The following CDH12 variants were observed in gnomAD, a reference collection of about 807,000 sequenced individuals.
The protein encoded by CDH12 is cadherin 12, also known as cadherin-12.
A neutral mutation model predicts 74.1 loss-of-function variants in CDH12; 41 were observed. The ratio of observed to expected loss-of-function variants is 0.55; its 90% CI spans 0.43 to 0.72. The LOEUF (loss-of-function observed/expected upper bound fraction) is 0.72. Among genes scored for constraint, CDH12 ranks in the 30% least tolerant of loss-of-function variants. CDH12 has a pLI of 0.00. For missense variants in CDH12, 945 were observed against 977.2 expected (o/e 0.97, Z 0.44); for synonymous variants, 399 against 355.0 (o/e 1.12, Z -1.39).
chr5:21,923,233 A>G (rs1324450274), intron 6 of CDH12, among the ~76,000 whole-genome samples: 2 of 152,158 alleles, frequency 1.3e-5, no homozygotes. Context: ...AAGTAATCAA[A>G]TTCAAATTTC....
At chr5:22,343,555 CT>C (rs1739984582) in intron 3 of CDH12, among the ~76,000 whole-genome samples, 1 of 152,006 alleles carries the variant, frequency 6.6e-6, no homozygotes, top group African/African-American at 2.4e-5. Flanking sequence ...GTAGCTGGGA[CT>C]ACAGGCTCCC....
At chr5:22,175,974 A>G (rs1238918942) in intron 4 of CDH12, among the ~76,000 whole-genome samples, 2 of 152,162 alleles carry the variant, frequency 1.3e-5, no homozygotes, top group Non-Finnish European at 2.9e-5. Flanking sequence ...AAATGTGTAG[A>G]TCATTATAGG....
chr5:22,633,723 G>A (rs1252670531), intron 1 of CDH12, among the ~76,000 whole-genome samples: 2 of 152,152 alleles, frequency 1.3e-5, no homozygotes, highest in Admixed American at 6.5e-5. Flanking sequence ...GCTAGAATCT[G>A]TATAATCTTC....
chr5:22,684,593 T>C (rs1741662641), intron 1 of CDH12, among the ~76,000 whole-genome samples: 1 of 152,228 alleles, frequency 6.6e-6, no homozygotes, highest in Non-Finnish European at 1.5e-5. Context: ...CACGTATTCT[T>C]AGGTTTTCAA....
intron 5 of CDH12, among the ~76,000 whole-genome samples, chr5:22,064,237 C>T (rs887306172): frequency 6.6e-6 from 1 of 152,112 alleles, no homozygotes; most frequent in Non-Finnish European, 1.5e-5. Flanking sequence ...CCACAGGGCC[C>T]ACTGCATGAC....
At chr5:22,851,033 T>A (rs1251429912) in intron 1 of CDH12, among the ~76,000 whole-genome samples, 1 of 152,206 alleles carries the variant, frequency 6.6e-6, no homozygotes, top group Admixed American at 6.5e-5. Flanking sequence ...TTTAAGGAGA[T>A]CAGTTTTATG....
At chr5:21,753,335 T>G (rs1466664879) in intron 14 of CDH12, among the ~76,000 whole-genome samples, 1 of 152,298 alleles carries the variant, frequency 6.6e-6, no homozygotes, top group African/African-American at 2.4e-5. Context: ...ACAGTGGGCC[T>G]TGGGAGACGT....
chr5:21,781,451 C>T (rs1327542957), intron 11 of CDH12, among the ~76,000 whole-genome samples: 8 of 152,060 alleles, frequency 5.3e-5, no homozygotes, highest in East Asian at 3.9e-4. Flanking sequence ...AGACCAGGCA[C>T]GGTGGTTCAC....
chr5:22,699,948 G>A lies in CDH12; in HGVS notation c.-523+153110C>T, dbSNP rs140022607. 3.9e-3 allele frequency among the ~76,000 whole-genome samples: 601 copies of A among 152,270 alleles called. 9 individuals carry two copies. Among genetic ancestry groups the A allele is most frequent in the African/African-American group, 0.014 (579 of 41,562 alleles). On this transcript the variant is annotated intron_variant, in intron 1 of 14. Coordinates refer to ENST00000382254, the MANE Select transcript of CDH12 (RefSeq NM_004061.5). ...CCAGCACTTTGAGAGGCCGAGGCAGGCAGATTGTTTGAGGCCAGGAGTTTG... is the reference window on the plus strand; with the variant it reads ...CCAGCACTTTGAGAGGCCGAGGCAGACAGATTGTTTGAGGCCAGGAGTTTG...
At chr5:22,084,231 C>A (rs1407240624) in intron 4 of CDH12, among the ~76,000 whole-genome samples, 1 of 152,178 alleles carries the variant, frequency 6.6e-6, no homozygotes, top group Non-Finnish European at 1.5e-5. Flanking sequence ...TTCCAGGGAG[C>A]TCTTCCTAGT....
chr5:22,811,609 C>T (rs780178), intron 1 of CDH12, among the ~76,000 whole-genome samples: 6,120 of 152,146 alleles, frequency 0.04, 398 homozygotes, highest in African/African-American at 0.14. Flanking sequence ...AAAGAAAATG[C>T]TTTCACTGTA....
At position 22,261,544 on chromosome 5, in the gene CDH12, A is replaced by G. The variant is rs138270294; in HGVS notation, c.-332-48901T>C. On this transcript the variant is annotated intron_variant, in intron 3 of 14. Coordinates refer to ENST00000382254, the MANE Select transcript of CDH12 (RefSeq NM_004061.5). ...TAATAATGCAACTGTAAAAGTTCAT[A>G]CTGGGCTCATCTTGTCATATAAGGT... Among the ~76,000 whole-genome samples, 6 of 152,168 alleles carry G rather than the reference A, an allele frequency of 3.9e-5. No individual in the cohort carries two copies. The East Asian group carries it at 1.2e-3, about 29-fold the overall frequency.
At chr5:22,540,607 G>T (rs1183411263) in intron 1 of CDH12, among the ~76,000 whole-genome samples, 1 of 152,070 alleles carries the variant, frequency 6.6e-6, no homozygotes, top group African/African-American at 2.4e-5. Flanking sequence ...ACATTAAGAA[G>T]AAAATAATTC....
At chr5:22,228,352 C>G (rs1752266055) in intron 3 of CDH12, among the ~76,000 whole-genome samples, 1 of 152,024 alleles carries the variant, frequency 6.6e-6, no homozygotes, top group Non-Finnish European at 1.5e-5. Flanking sequence ...AAATTTCAGA[C>G]CATGGTGTGT....
At chr5:21,982,621 A>C (rs1482449245) in intron 5 of CDH12, among the ~76,000 whole-genome samples, 1 of 151,766 alleles carries the variant, frequency 6.6e-6, no homozygotes, top group Non-Finnish European at 1.5e-5. Context: ...TCTATAATCT[A>C]TATATCTATA....
intron 6 of CDH12, among the ~76,000 whole-genome samples, chr5:21,942,688 C>G (rs192814332): frequency 6.6e-6 from 1 of 152,046 alleles, no homozygotes; most frequent in Non-Finnish European, 1.5e-5. Context: ...TTTTTCAAAG[C>G]AATGCTGGCA....
chr5:22,317,030 T>C (rs1364705461), intron 3 of CDH12, among the ~76,000 whole-genome samples: 1 of 152,040 alleles, frequency 6.6e-6, no homozygotes, highest in Non-Finnish European at 1.5e-5. Flanking sequence ...TTTCACTAGA[T>C]AGATTAACTA....
At chr5:22,117,487 T>TA (rs1341894508) in intron 4 of CDH12, among the ~76,000 whole-genome samples, 2 of 47,808 alleles carry the variant, frequency 4.2e-5, no homozygotes, top group African/African-American at 8.3e-5. Context: ...ATTATATATA[T>TA]ATTATATATA....
intron 2 of CDH12, among the ~76,000 whole-genome samples, chr5:22,410,604 G>A (rs955180644): frequency 2.6e-5 from 4 of 152,026 alleles, no homozygotes; most frequent in African/African-American, 9.7e-5. Flanking sequence ...TCTTTGTTCT[G>A]AAGGCTCTCA....
Sources: allele counts gnomAD v4.1 joint callset (sites outside exome capture counted in the v4.1 genomes callset), GRCh38; gene constraint gnomAD v4.1.1; transcripts MANE v1.5; gene names NCBI Gene and HGNC (gene_info 2026-07-23, HGNC 2026-07-21).